Variants in ACSBG1 observed in about 807,000 individuals in gnomAD.
The protein encoded by ACSBG1 is acyl-CoA synthetase bubblegum family member 1.
ACSBG1 carries 39 observed loss-of-function variants against 80.2 expected under a neutral mutation model. The ratio of observed to expected loss-of-function variants is 0.49; its 90% confidence interval spans 0.38 to 0.64. ACSBG1 has a LOEUF of 0.64. ACSBG1 is among the 30% of genes least tolerant of loss of function. The probability of loss-of-function intolerance (pLI) is 0.00; values close to 1 mark genes in which losing one functional copy is unlikely to be tolerated. For missense variants in ACSBG1, 828 were observed against 966.4 expected (o/e 0.86, Z 1.90); for synonymous variants, 392 against 379.5 (o/e 1.03, Z -0.38).
At chr15:78,180,117 T>C (rs907188993) in intron 9 of ACSBG1, among the ~76,000 whole-genome samples, 2 of 152,220 alleles carry the variant, frequency 1.3e-5, no homozygotes, top group Admixed American at 6.5e-5. Context: ...TATGTATTCA[T>C]GTATACACAT....
chr15:78,181,549 A>G (rs1431692004), intron 8 of ACSBG1, among the ~76,000 whole-genome samples: 2 of 136,504 alleles, frequency 1.5e-5, no homozygotes, highest in Non-Finnish European at 3.0e-5. Flanking sequence ...GCTGGAGTAC[A>G]GTGGCGTGAT....
At position 78,178,930 on chromosome 15, in the gene ACSBG1, C is replaced by A; in HGVS notation, c.1485-99G>T. On this transcript the variant is annotated intron_variant, in intron 10 of 13. Coordinates refer to ENST00000258873, the MANE Select transcript of ACSBG1 (RefSeq NM_015162.5). This position sits in a 1 kb window ranked among gnomAD's most constrained non-coding sequence, Gnocchi z 4.3. The stretch of plus-strand genomic sequence containing the variant: ...CCAACTGCTCGGTCTTCACTGATTG[C>A]TAGAAGGTATCCCCTCACAGGGCTT... 1 of 1,222,826 alleles carries A rather than the reference C, an allele frequency of 8.2e-7. No homozygotes were observed. The highest frequency in any genetic ancestry group is 1.5e-5 in the South Asian group (1 of 65,270). 75.7% of individuals were successfully genotyped at this position (1,222,826 alleles called of 1,614,324 possible). A position where few individuals can be genotyped will look rare whatever the true frequency, so the allele number is the denominator to read the frequency against.
At chr15:78,187,698 A>T (rs2075018869) in intron 5 of ACSBG1, among the ~76,000 whole-genome samples, 1 of 152,352 alleles carries the variant, frequency 6.6e-6, no homozygotes, top group East Asian at 1.9e-4. Flanking sequence ...GCTATCTATG[A>T]CAAACCCACA....
intron 1 of ACSBG1, among the ~76,000 whole-genome samples, chr15:78,222,452 G>T (rs2075366504): frequency 6.6e-6 from 1 of 152,060 alleles, no homozygotes; most frequent in African/African-American, 2.4e-5. Flanking sequence ...TCACTTGAGG[G>T]CAGGAGTTCA....
chr15:78,208,111 G>T lies in ACSBG1; in HGVS notation c.132-9C>A. The T allele has an allele frequency of 6.2e-7, 1 of 1,610,780 alleles. No individual in the cohort carries two copies. Among genetic ancestry groups the T allele is most frequent in the Non-Finnish European group, 8.5e-7 (1 of 1,177,724 alleles). ...GCCTGTCAGTCAGTGAGCTGGGGTG[G>T]TGAGGGGACCAGGAAAAACATTCAT... On this transcript the variant is annotated splice_polypyrimidine_tract_variant and intron_variant, in intron 1 of 13. Transcript: ENST00000258873.
chr15:78,199,100 TTTTCTTTTCTTTC>T (rs768850615), intron 2 of ACSBG1, among the ~76,000 whole-genome samples: 8 of 152,106 alleles, frequency 5.3e-5, no homozygotes, highest in Non-Finnish European at 1.2e-4. Context: ...TTTTCTTTTC[TTTTCTTTTCTTTC>T]TTTCTTTTTC....
intron 1 of ACSBG1, among the ~76,000 whole-genome samples, chr15:78,211,240 A>G (rs2075264470): frequency 6.6e-6 from 1 of 152,252 alleles, no homozygotes; most frequent in South Asian, 2.1e-4. Context: ...ATGATCCTAC[A>G]GGTGAGTTGA....
chr15:78,210,667 G>A (rs185850390), intron 1 of ACSBG1, among the ~76,000 whole-genome samples: 13 of 152,326 alleles, frequency 8.5e-5, no homozygotes, highest in Non-Finnish European at 1.9e-4. Flanking sequence ...AGGCTGGAGT[G>A]CAGGGGCACA....
In ACSBG1 at chr15:78,171,437, G is replaced by C; in HGVS notation, c.*7C>G. 3 of 1,612,196 alleles carry C rather than the reference G, an allele frequency of 1.9e-6. No individual in the cohort carries two copies. Among genetic ancestry groups the C allele is most frequent in the Non-Finnish European group, 2.5e-6 (3 of 1,178,294 alleles). ...TATTCTATAGAAACTGCAGGCATAGGCCCTGATTACATTTTTTGCTCTTGG... is the reference window on the plus strand; with the variant it reads ...TATTCTATAGAAACTGCAGGCATAGCCCCTGATTACATTTTTTGCTCTTGG... On this transcript the variant is annotated 3_prime_UTR_variant, in exon 14 of 14. Transcript: ENST00000258873.
At chr15:78,175,846 G>A (rs1204885242) in intron 11 of ACSBG1, among the ~76,000 whole-genome samples, 1 of 152,086 alleles carries the variant, frequency 6.6e-6, no homozygotes, top group Non-Finnish European at 1.5e-5. Flanking sequence ...CTCTGGAAAT[G>A]TGGGAAGACA....
chr15:78,215,582 G>T (rs923629036), intron 1 of ACSBG1, among the ~76,000 whole-genome samples: 1 of 152,008 alleles, frequency 6.6e-6, no homozygotes, highest in African/African-American at 2.4e-5. Flanking sequence ...CTTGAACCTG[G>T]GAGGCAGAGG....
Position 78,177,165 on chromosome 15 carries a change from G to A in ACSBG1, c.1702+1449C>T, listed in dbSNP as rs916456940. Among the ~76,000 whole-genome samples the A allele has an allele frequency of 3.9e-5, 6 of 152,130 alleles. No homozygotes were observed. Among genetic ancestry groups the A allele is most frequent in the African/African-American group, 1.2e-4 (5 of 41,432 alleles). On this transcript the variant is annotated intron_variant, in intron 11 of 13. Transcript: ENST00000258873. The surrounding 1 kb of genome is among the most constrained non-coding windows in gnomAD (Gnocchi z 4.1). ...CTAAAATTCATATGGAAATGAAAAT[G>A]GCCAAGAATAGCCAAGGTCATCTTG... is the stretch of plus-strand genomic sequence containing the variant.
intron 1 of ACSBG1, among the ~76,000 whole-genome samples, chr15:78,227,051 C>G (rs558449001): frequency 5.3e-5 from 8 of 150,334 alleles, no homozygotes; most frequent in East Asian, 1.9e-4. Flanking sequence ...GAAACCTGGT[C>G]TCTACTAAAA....
At chr15:78,210,525 C>T (rs540285181) in intron 1 of ACSBG1, among the ~76,000 whole-genome samples, 199 of 152,318 alleles carry the variant, frequency 1.3e-3, no homozygotes, top group African/African-American at 4.0e-3. Flanking sequence ...TGAAACTGCT[C>T]GGGCCATCTG....
At chr15:78,210,040 A>G (rs2075253419) in intron 1 of ACSBG1, among the ~76,000 whole-genome samples, 1 of 152,260 alleles carries the variant, frequency 6.6e-6, no homozygotes, top group Non-Finnish European at 1.5e-5. Context: ...AAGCGTACTT[A>G]TCGTGATTAG....
At chr15:78,194,287 A>G (rs1050496748) in intron 3 of ACSBG1, among the ~76,000 whole-genome samples, 1 of 152,260 alleles carries the variant, frequency 6.6e-6, no homozygotes, top group Non-Finnish European at 1.5e-5. Flanking sequence ...ACAAATGAAA[A>G]GTGAGTAACA....
chr15:78,223,605 C>T (rs1401314275), intron 1 of ACSBG1, among the ~76,000 whole-genome samples: 2 of 152,174 alleles, frequency 1.3e-5, no homozygotes, highest in African/African-American at 4.8e-5. Context: ...TGGAGAGGCC[C>T]ACTGGTAAAG....
At position 78,182,698 on chromosome 15, in the gene ACSBG1, C is replaced by T. The variant is rs1234305437; in HGVS notation, c.744+7G>A. ...CCACCTGGCGCCCAGGGCCCCACTG[C>T]CCATACCGTGTACACATTGGCCATC... On this transcript the variant is annotated splice_region_variant and intron_variant, in intron 6 of 13. Transcript: ENST00000258873. 16 of 1,614,228 alleles carry T rather than the reference C, an allele frequency of 9.9e-6. No individual in the cohort carries two copies. The highest frequency in any genetic ancestry group is 1.3e-5 in the Non-Finnish European group (15 of 1,180,038).
intron 2 of ACSBG1, among the ~76,000 whole-genome samples, chr15:78,201,749 A>C (rs1402334528): frequency 6.6e-6 from 1 of 152,214 alleles, no homozygotes; most frequent in Non-Finnish European, 1.5e-5. Context: ...ATGAGTTAGA[A>C]GGGCTGGGCC....
Sources: allele counts gnomAD v4.1 joint callset (sites outside exome capture counted in the v4.1 genomes callset), GRCh38; gene constraint gnomAD v4.1.1; non-coding constraint Gnocchi (gnomAD v3.1); transcripts MANE v1.5; gene names NCBI Gene and HGNC (gene_info 2026-07-23, HGNC 2026-07-21).